The following PRKACB variants were observed in gnomAD, a reference collection of about 807,000 sequenced individuals.
PRKACB encodes protein kinase cAMP-activated catalytic subunit beta.
PRKACB carries 16 observed loss-of-function variants against 51.4 expected under a neutral mutation model. The observed-to-expected ratio is 0.31, with a 90% confidence interval of 0.21 to 0.47. The LOEUF is 0.47. PRKACB is among the 20% of genes least tolerant of loss of function. The probability of loss-of-function intolerance (pLI) is 1.00; values close to 1 mark genes in which losing one functional copy is unlikely to be tolerated. For synonymous variants in PRKACB, 147 were observed against 154.4 expected (o/e 0.95, Z 0.35); for missense variants, 309 against 464.5 (o/e 0.67, Z 3.08).
At chr1:84,087,118 G>A (rs1224013584) in intron 1 of PRKACB, among the ~76,000 whole-genome samples, 1 of 152,262 alleles carries the variant, frequency 6.6e-6, no homozygotes, top group African/African-American at 2.4e-5. Flanking sequence ...AACCATTAAT[G>A]TGCTATGTGT....
intron 1 of PRKACB, among the ~76,000 whole-genome samples, chr1:84,103,196 C>A (rs1300914123): frequency 2.6e-5 from 4 of 152,136 alleles, no homozygotes; most frequent in Admixed American, 2.6e-4. Flanking sequence ...TTCTTAACCA[C>A]CCTTTTCATC....
At chr1:84,234,456 C>G (rs1027058612) in intron 9 of PRKACB, among the ~76,000 whole-genome samples, 1 of 152,250 alleles carries the variant, frequency 6.6e-6, no homozygotes, top group Non-Finnish European at 1.5e-5. Context: ...TTCGAGCTTC[C>G]CAGCTGCTTT....
intron 6 of PRKACB, 151 bp downstream of exon 6, chr1:84,196,893 A>C: frequency 2.4e-6 from 2 of 823,796 alleles, no homozygotes; most frequent in Non-Finnish European, 3.7e-6. Flanking sequence ...TATTACAGAG[A>C]AGCAAAAATC....
intron 1 of PRKACB, among the ~76,000 whole-genome samples, chr1:84,123,302 A>G (rs558454811): frequency 1.3e-5 from 2 of 152,334 alleles, no homozygotes; most frequent in South Asian, 4.1e-4. Flanking sequence ...AAACTGTATC[A>G]ACATGGTAAG....
rs1676646512 is a variant in PRKACB, at chr1:84,236,204, A to G, written c.*899A>G. On this transcript the variant is annotated 3_prime_UTR_variant, in exon 10 of 10. Coordinates refer to ENST00000370685, the MANE Select transcript of PRKACB (RefSeq NM_182948.4). ...GATTAATGAAAGTGACAAATTTTAA[A>G]TTTTCTCTAATAGTCCTCATCATAA... 1 of 152,606 alleles carries G rather than the reference A, an allele frequency of 6.6e-6. No individual in the cohort carries two copies. The highest frequency in any genetic ancestry group is 2.1e-4 in the South Asian group (1 of 4,830). 9.5% of individuals were successfully genotyped at this position (152,606 alleles called of 1,614,324 possible).
chr1:84,221,233 T>C (rs990697430), intron 9 of PRKACB, among the ~76,000 whole-genome samples: 2 of 151,298 alleles, frequency 1.3e-5, no homozygotes, highest in Admixed American at 6.6e-5. Flanking sequence ...TTAGTTAGCA[T>C]ATAGTTGTTC....
chr1:84,150,316 T>G (rs1654690433), intron 1 of PRKACB, among the ~76,000 whole-genome samples: 1 of 152,066 alleles, frequency 6.6e-6, no homozygotes, highest in African/African-American at 2.4e-5. Flanking sequence ...GAAAACACAT[T>G]TAACATTGTA....
At chr1:84,196,587 A>G (rs970177444) in intron 5 of PRKACB, 29 bp from the exon 6 acceptor site, 12 of 1,597,426 alleles carry the variant, frequency 7.5e-6, no homozygotes, top group South Asian at 1.1e-5. Context: ...TCATTTTTAC[A>G]GAAAATCAAT....
At chr1:84,209,335 G>T (rs1214036680) in intron 8 of PRKACB, among the ~76,000 whole-genome samples, 1 of 151,828 alleles carries the variant, frequency 6.6e-6, no homozygotes, top group East Asian at 1.9e-4. Context: ...AATTCAACCT[G>T]TCTAAAACTG....
chr1:84,197,107 A>C (rs1668441442), intron 6 of PRKACB, among the ~76,000 whole-genome samples: 1 of 152,194 alleles, frequency 6.6e-6, no homozygotes, highest in African/African-American at 2.4e-5. Context: ...TTTTAAGATT[A>C]ACAAAACTAA....
Position 84,161,166 on chromosome 1 carries a change from T to C in PRKACB, c.187+16618T>C, listed in dbSNP as rs372193977. Among the ~76,000 whole-genome samples the C allele has an allele frequency of 2.0e-5, 3 of 152,044 alleles. No individual in the cohort carries two copies. In the East Asian group the frequency reaches 5.8e-4, roughly 29 times the overall value. On this transcript the variant is annotated intron_variant, in intron 1 of 9. Coordinates refer to ENST00000370685, the MANE Select transcript of PRKACB (RefSeq NM_182948.4). ...GGCTCTTCTGTTCAATGCATATGCATTTCTAATTGTCACATTTTTCAGATG... is the reference window on the plus strand; with the variant it reads ...GGCTCTTCTGTTCAATGCATATGCACTTCTAATTGTCACATTTTTCAGATG...
At chr1:84,197,625 C>A in intron 6 of PRKACB, 104 bp from the exon 7 acceptor site, 3 of 703,798 alleles carry the variant, frequency 4.3e-6, no homozygotes, top group Non-Finnish European at 2.2e-6. Flanking sequence ...TTTTCCATTT[C>A]TTTCATAGTT....
chr1:84,219,406 G>T (rs933006414), intron 9 of PRKACB, among the ~76,000 whole-genome samples: 1 of 151,590 alleles, frequency 6.6e-6, no homozygotes, highest in Non-Finnish European at 1.5e-5. Context: ...TGTATTTTTA[G>T]TAAAGACAGA....
intron 9 of PRKACB, among the ~76,000 whole-genome samples, chr1:84,228,320 G>A (rs552299763): frequency 2.0e-5 from 3 of 152,154 alleles, no homozygotes; most frequent in Admixed American, 6.5e-5. Flanking sequence ...AGAGCTCTGG[G>A]CCAGAAGTGG....
At chr1:84,223,376 T>G (rs1482355946) in intron 9 of PRKACB, among the ~76,000 whole-genome samples, 45 of 60,454 alleles carry the variant, frequency 7.4e-4, no homozygotes, top group South Asian at 3.4e-3. Context: ...TTTTGTTTTT[T>G]TGTTTTTTTT....
intron 2 of PRKACB, among the ~76,000 whole-genome samples, chr1:84,180,611 A>T (rs927994184): frequency 2.1e-4 from 32 of 152,148 alleles, no homozygotes; most frequent in African/African-American, 7.7e-4. Flanking sequence ...AAAAAATTAA[A>T]TTTTGAAAGT....
Position 84,115,886 on chromosome 1 carries a change from CAAAAAAAAAAAAAA to C in PRKACB, c.46+37535_46+37548del, listed in dbSNP as rs60541006. Among the ~76,000 whole-genome samples, 551 of 63,884 alleles carry C rather than the reference CAAAAAAAAAAAAAA, an allele frequency of 8.6e-3. 6 individuals carry two copies. The highest frequency in any genetic ancestry group is 0.034 in the African/African-American group (493 of 14,452). 41.9% of individuals were successfully genotyped at this position (63,884 alleles called of 152,430 possible). A position where few individuals can be genotyped will look rare whatever the true frequency, so the allele number is the denominator to read the frequency against. On this transcript the variant is annotated intron_variant, in intron 1 of 8. Coordinates refer to the PRKACB transcript ENST00000370688. ...AACAAGAGAGAAAAAACTCTTGTCT[CAAAAAAAAAAAAAA>C]AAAAAAAAAAAAAAAAAAATTCTTT...
chr1:84,228,365 A>C, intron 9 of PRKACB, among the ~76,000 whole-genome samples: 1 of 152,220 alleles, frequency 6.6e-6, no homozygotes, highest in East Asian at 1.9e-4. Flanking sequence ...TTAGCCGCTT[A>C]TCAGTCATGT....
In PRKACB at chr1:84,228,131, T is replaced by A. The variant is rs945484846; in HGVS notation, c.1072-7049T>A. 2.0e-5 allele frequency among the ~76,000 whole-genome samples: 3 copies of A among 152,302 alleles called. No homozygotes were observed. In the East Asian group the frequency reaches 5.8e-4, roughly 29 times the overall value. Reference sequence around the variant, plus strand: ...CCAGCTCTCAAACAAAAAGATAATATTAGAAGTCCCATTCCTACTTATTTT... The same window carrying A: ...CCAGCTCTCAAACAAAAAGATAATAATAGAAGTCCCATTCCTACTTATTTT... On this transcript the variant is annotated intron_variant, in intron 9 of 9. Transcript: ENST00000370685.
Sources: gnomAD v4.1 joint callset for allele counts (sites outside exome capture counted in the v4.1 genomes callset) on GRCh38, gnomAD v4.1.1 for gene constraint, MANE v1.5 for transcripts, NCBI Gene and HGNC (gene_info 2026-07-23, HGNC 2026-07-21) for gene names.